The following GRIK2 variants were observed in gnomAD, a reference collection of about 807,000 sequenced individuals.
GRIK2 encodes glutamate ionotropic receptor kainate type subunit 2.
A neutral mutation model predicts 100.3 loss-of-function variants in GRIK2; 32 were observed. That is an observed-to-expected ratio of 0.32 (90% confidence interval 0.24 to 0.43). The LOEUF (loss-of-function observed/expected upper bound fraction) is 0.43, where lower values mean the gene tolerates loss of function less well. GRIK2 is among the 20% of genes least tolerant of loss of function. The pLI is 1.00. For missense variants in GRIK2, 843 were observed against 1,114.9 expected, an observed-to-expected ratio of 0.76 and a Z score of 3.47; for synonymous variants, 417 against 389.4, an observed-to-expected ratio of 1.07 and a Z score of -0.83.
At chr6:101,794,644 G>A (rs1036326206) in intron 7 of GRIK2, among the ~76,000 whole-genome samples, 1 of 149,034 alleles carries the variant, frequency 6.7e-6, no homozygotes, top group Non-Finnish European at 1.5e-5. Flanking sequence ...TTTTTTCTTT[G>A]TATTGTTTTT....
chr6:101,775,827 GGA>G (rs746085161), intron 7 of GRIK2, among the ~76,000 whole-genome samples: 14 of 149,520 alleles, frequency 9.4e-5, no homozygotes, highest in African/African-American at 4.9e-5. Flanking sequence ...ATATATATAT[GGA>G]GAGAGAGAGA....
intron 7 of GRIK2, among the ~76,000 whole-genome samples, chr6:101,776,777 A>G (rs1778773709): frequency 6.6e-6 from 1 of 152,226 alleles, no homozygotes; most frequent in African/African-American, 2.4e-5. Flanking sequence ...CGTCATGTAC[A>G]TAACACATTG....
At chr6:101,413,426 G>A (rs1183289025) in intron 2 of GRIK2, among the ~76,000 whole-genome samples, 5 of 151,948 alleles carry the variant, frequency 3.3e-5, no homozygotes, top group African/African-American at 1.2e-4. Context: ...TATTTAAATT[G>A]CCATTCATTT....
intron 10 of GRIK2, among the ~76,000 whole-genome samples, chr6:101,829,111 T>C (rs367673184): frequency 6.6e-6 from 1 of 151,920 alleles, no homozygotes; most frequent in African/African-American, 2.4e-5. Context: ...GTTCAACATA[T>C]GCAAATAAAT....
At chr6:102,031,708 C>T (rs867202517) in intron 14 of GRIK2, among the ~76,000 whole-genome samples, 10 of 151,244 alleles carry the variant, frequency 6.6e-5, no homozygotes, top group South Asian at 2.1e-4. Context: ...TATCTGAGAA[C>T]GTGCAATATT....
chr6:101,784,272 T>C (rs1283729787), intron 7 of GRIK2, among the ~76,000 whole-genome samples: 1 of 152,202 alleles, frequency 6.6e-6, no homozygotes, highest in East Asian at 1.9e-4. Context: ...GTCCAGCTAC[T>C]CCAGTTCCAG....
At position 101,678,728 on chromosome 6, in the gene GRIK2, G is replaced by A. The variant is rs78913994; in HGVS notation, c.723+1924G>A. On this transcript the variant is annotated intron_variant, in intron 5 of 16. Coordinates refer to ENST00000369134, the MANE Select transcript of GRIK2 (RefSeq NM_021956.5). Reference sequence around the variant, plus strand: ...TAAGACATGGTATAGGAGTTGAAGAGCAAAAATAGATGAGCTTTCAGCTAG... The same window carrying A: ...TAAGACATGGTATAGGAGTTGAAGAACAAAAATAGATGAGCTTTCAGCTAG... Among the ~76,000 whole-genome samples the A allele has an allele frequency of 9.6e-4, 146 of 152,276 alleles. 4 individuals carry two copies. The East Asian group carries it at 0.025, about 26-fold the overall frequency.
At chr6:101,713,329 T>C (rs775814794) in intron 7 of GRIK2, among the ~76,000 whole-genome samples, 9 of 151,738 alleles carry the variant, frequency 5.9e-5, no homozygotes, top group Non-Finnish European at 1.2e-4. Flanking sequence ...CTTAAGGACT[T>C]GTTAAACAGT....
Position 101,595,710 on chromosome 6 carries a change from G to A in GRIK2, c.116-26239G>A, listed in dbSNP as rs1226194672. Among the ~76,000 whole-genome samples, 1,124 of 125,324 alleles carry A rather than the reference G, an allele frequency of 9.0e-3. 16 individuals carry two copies. Among genetic ancestry groups the A allele is most frequent in the African/African-American group, 0.034 (1,069 of 31,166 alleles). 82.2% of individuals were successfully genotyped at this position (125,324 alleles called of 152,430 possible). On this transcript the variant is annotated intron_variant, in intron 2 of 16. Coordinates refer to ENST00000369134, the MANE Select transcript of GRIK2 (RefSeq NM_021956.5). ...CATGTATATATATATGTGTGTGTGT[G>A]TGTGTGTGTATATATATATATATAT... is the stretch of plus-strand genomic sequence containing the variant.
At chr6:101,721,592 G>A (rs1774490023) in intron 7 of GRIK2, among the ~76,000 whole-genome samples, 1 of 151,896 alleles carries the variant, frequency 6.6e-6, no homozygotes, top group Non-Finnish European at 1.5e-5. Context: ...AACAGAGTAA[G>A]ATCTTGTCTG....
rs79147257 is a variant in GRIK2, at chr6:102,034,983, A to G, written c.2086-358A>G. Among the ~76,000 whole-genome samples, 150 of 151,478 alleles carry G rather than the reference A, an allele frequency of 9.9e-4. 2 individuals carry two copies. The highest frequency in any genetic ancestry group is 3.5e-3 in the African/African-American group (146 of 41,458). On this transcript the variant is annotated intron_variant, in intron 14 of 16. Coordinates refer to ENST00000369134, the MANE Select transcript of GRIK2 (RefSeq NM_021956.5). ...TTGTTGTAAAGAAATATTGACAAATATGAAATACTCAGGTAAGAGACAAGC... is the reference window on the plus strand; with the variant it reads ...TTGTTGTAAAGAAATATTGACAAATGTGAAATACTCAGGTAAGAGACAAGC...
intron 7 of GRIK2, among the ~76,000 whole-genome samples, chr6:101,792,934 C>T (rs1251458982): frequency 6.6e-5 from 10 of 151,958 alleles, no homozygotes; most frequent in Non-Finnish European, 8.8e-5. Context: ...TCTAAACTTC[C>T]CTTCTCGCTT....
chr6:101,995,048 G>A (rs1482657762), intron 14 of GRIK2, among the ~76,000 whole-genome samples: 1 of 151,770 alleles, frequency 6.6e-6, no homozygotes, highest in Non-Finnish European at 1.5e-5. Context: ...TATCTTATTT[G>A]AAAACTACTA....
intron 4 of GRIK2, among the ~76,000 whole-genome samples, chr6:101,634,982 A>G (rs905323402): frequency 6.6e-6 from 1 of 152,086 alleles, no homozygotes; most frequent in Admixed American, 6.6e-5. Context: ...TCTTGCACGT[A>G]TATTTAAATA....
At chr6:101,423,073 G>C (rs538439685) in intron 2 of GRIK2, among the ~76,000 whole-genome samples, 2 of 152,292 alleles carry the variant, frequency 1.3e-5, no homozygotes, top group East Asian at 3.9e-4. Context: ...TGACTATTCA[G>C]CTGACTCTAA....
At chr6:102,014,318 T>A (rs1433400623) in intron 14 of GRIK2, among the ~76,000 whole-genome samples, 1 of 152,086 alleles carries the variant, frequency 6.6e-6, no homozygotes, top group Admixed American at 6.5e-5. Context: ...ATTGTGGCTA[T>A]TTGGATCATC....
intron 6 of GRIK2, among the ~76,000 whole-genome samples, chr6:101,683,599 T>C (rs1035201758): frequency 6.6e-6 from 1 of 152,146 alleles, no homozygotes; most frequent in African/African-American, 2.4e-5. Flanking sequence ...ATCTCCAAGT[T>C]TGGACTTCAT....
chr6:101,922,464 G>A (rs1789618260), intron 12 of GRIK2, among the ~76,000 whole-genome samples: 1 of 152,122 alleles, frequency 6.6e-6, no homozygotes, highest in Non-Finnish European at 1.5e-5. Context: ...CATGTTAATA[G>A]CTAATATACT....
intron 12 of GRIK2, among the ~76,000 whole-genome samples, chr6:101,894,635 C>A (rs1407636651): frequency 1.3e-5 from 2 of 151,616 alleles, no homozygotes; most frequent in African/African-American, 4.8e-5. Context: ...TATAAAAAGT[C>A]TGGTTAGGGC....
Sources: gnomAD v4.1 joint callset for allele counts (sites outside exome capture counted in the v4.1 genomes callset) on GRCh38, gnomAD v4.1.1 for gene constraint, MANE v1.5 for transcripts, NCBI Gene and HGNC (gene_info 2026-07-23, HGNC 2026-07-21) for gene names.